Variants in SS18L1 observed in about 807,000 individuals in gnomAD.
The protein encoded by SS18L1 is SS18L1 subunit of BAF chromatin remodeling complex.
SS18L1 carries 32 observed loss-of-function variants against 70.3 expected under a neutral mutation model. That is an observed-to-expected ratio of 0.46 (90% CI 0.34 to 0.61). The LOEUF is 0.61. Among genes scored for constraint, SS18L1 ranks in the 20% least tolerant of loss-of-function variants. The pLI is 0.01. For missense variants in SS18L1, 430 were observed against 542.1 expected (o/e 0.79, Z 2.05); for synonymous variants, 237 against 229.7 (o/e 1.03, Z -0.29).
intron 7 of SS18L1, 24 bp from the exon 8 acceptor site, chr20:62,165,398 T>G: frequency 6.2e-7 from 1 of 1,602,350 alleles, no homozygotes; most frequent in Non-Finnish European, 8.5e-7. Context: ...CTCCGCTGAC[T>G]GTCGCCGTCT....
intron 10 of SS18L1, among the ~76,000 whole-genome samples, chr20:62,175,881 T>C (rs1472154948): frequency 6.6e-6 from 1 of 152,178 alleles, no homozygotes; most frequent in Non-Finnish European, 1.5e-5. Flanking sequence ...ATGAGGCATT[T>C]ACACAGATGT....
At chr20:62,170,739 C>G (rs554201494) in intron 8 of SS18L1, among the ~76,000 whole-genome samples, 2 of 152,342 alleles carry the variant, frequency 1.3e-5, no homozygotes, top group South Asian at 4.1e-4. Flanking sequence ...CTGCCAGTTC[C>G]CACTAGATCG....
At chr20:62,147,416 G>C (rs1180202730) in intron 1 of SS18L1, among the ~76,000 whole-genome samples, 1 of 152,214 alleles carries the variant, frequency 6.6e-6, no homozygotes, top group South Asian at 2.1e-4. Flanking sequence ...CTGTTGTCCA[G>C]TGCGTGCTCC....
intron 10 of SS18L1, among the ~76,000 whole-genome samples, chr20:62,175,886 A>T (rs2057612167): frequency 2.0e-5 from 3 of 152,248 alleles, no homozygotes; most frequent in Middle Eastern, 3.4e-3. Flanking sequence ...GCATTTACAC[A>T]GATGTCAGGA....
chr20:62,179,544 G>T lies in SS18L1; in HGVS notation c.*336G>T, dbSNP rs1200079934. 2.4e-6 allele frequency: 1 copy of T among 414,006 alleles called. No homozygotes were observed. Among genetic ancestry groups the T allele is most frequent in the African/African-American group, 2.0e-5 (1 of 50,578 alleles). 25.6% of individuals were successfully genotyped at this position (414,006 alleles called of 1,614,324 possible). On this transcript the variant is annotated 3_prime_UTR_variant, in exon 11 of 11. Transcript: ENST00000331758. ...TCAGAGCATTCTGTGCCCAGGGACA[G>T]GACAGATCTCGAGGACACCACAGTC...
intron 10 of SS18L1, among the ~76,000 whole-genome samples, chr20:62,177,975 C>T (rs1464643316): frequency 2.1e-5 from 3 of 146,148 alleles, no homozygotes; most frequent in African/African-American, 7.6e-5. Flanking sequence ...TTCCAAAGTG[C>T]TGGGACTGTA....
chr20:62,177,351 C>T (rs1293838228), intron 10 of SS18L1, among the ~76,000 whole-genome samples: 1 of 151,926 alleles, frequency 6.6e-6, no homozygotes, highest in African/African-American at 2.4e-5. Context: ...GCCATGCCTT[C>T]AGCTGAGCAG....
chr20:62,156,688 T>A (rs2057229533), intron 1 of SS18L1, among the ~76,000 whole-genome samples: 1 of 152,276 alleles, frequency 6.6e-6, no homozygotes, highest in Non-Finnish European at 1.5e-5. Context: ...TGCCTGTGGA[T>A]GAGTTTGGGC....
intron 1 of SS18L1, among the ~76,000 whole-genome samples, chr20:62,152,410 G>C (rs2057150285): frequency 6.6e-6 from 1 of 152,158 alleles, no homozygotes; most frequent in Admixed American, 6.5e-5. Context: ...CCTCATCTCT[G>C]TCCCCAGCGC....
At chr20:62,178,150 T>C (rs796984578) in intron 10 of SS18L1, among the ~76,000 whole-genome samples, 10,504 of 144,052 alleles carry the variant, frequency 0.073, 606 homozygotes, top group South Asian at 0.21. Context: ...TCTTTTTTTT[T>C]TTTTTTTTTT....
At chr20:62,164,093 C>G in intron 6 of SS18L1, 52 bp from the exon 7 acceptor site, 1 of 1,512,762 alleles carries the variant, frequency 6.6e-7, no homozygotes. Flanking sequence ...AGCAGGTCCT[C>G]TGAGGGAGGA....
chr20:62,173,633 A>G (rs2057569932), intron 9 of SS18L1, among the ~76,000 whole-genome samples: 1 of 149,464 alleles, frequency 6.7e-6, no homozygotes, highest in Admixed American at 6.6e-5. Flanking sequence ...TGCTTGAACC[A>G]GGAGGTAGAG....
chr20:62,179,401 G>A lies in SS18L1; in HGVS notation c.*193G>A, dbSNP rs1300151941. On this transcript the variant is annotated 3_prime_UTR_variant, in exon 11 of 11. Coordinates refer to ENST00000331758, the MANE Select transcript of SS18L1 (RefSeq NM_198935.3). ...CCACTGGCGTGAGACAGCGCTTGGT[G>A]GTGTGATACTTTTGGTGCTGTGTAT... The A allele has an allele frequency of 1.4e-5, 9 of 633,222 alleles. No homozygotes were observed. In the Admixed American group the frequency reaches 1.9e-4, roughly 13 times the overall value. 39.2% of individuals were successfully genotyped at this position (633,222 alleles called of 1,614,324 possible).
intron 5 of SS18L1, 74 bp from the exon 6 acceptor site, chr20:62,163,384 A>C: frequency 6.5e-7 from 1 of 1,543,734 alleles, no homozygotes; most frequent in East Asian, 2.5e-5. Context: ...GCCCGGGCGC[A>C]GGAGGTAGTT....
chr20:62,162,983 C>T (rs755592446), intron 5 of SS18L1, 52 bp downstream of exon 5: 10 of 1,588,714 alleles, frequency 6.3e-6, no homozygotes, highest in African/African-American at 4.1e-5. Flanking sequence ...CCTCCAAGAC[C>T]CTTGACACAT....
At position 62,158,077 on chromosome 20, in the gene SS18L1, T is replaced by C. The variant is rs2057255466; in HGVS notation, c.70-595T>C. ...ACCCTGTGTGGTTGCAATTCGAGGC[T>C]ATCCCCTCCAGCTAGGGGCACCAGG... On this transcript the variant is annotated intron_variant, in intron 1 of 10. Transcript: ENST00000331758. The surrounding 1 kb of genome is among the most constrained non-coding windows in gnomAD (Gnocchi z 4.5). Among the ~76,000 whole-genome samples, 2 of 152,154 alleles carry C rather than the reference T, an allele frequency of 1.3e-5. No homozygotes were observed. The highest frequency in any genetic ancestry group is 2.9e-5 in the Non-Finnish European group (2 of 68,012).
Position 62,148,693 on chromosome 20 carries a change from G to A in SS18L1, c.69+4804G>A, listed in dbSNP as rs2057076315. ...GAACCCAAGCGCCACGGGGGAGGTG[G>A]GCAGGAGAAAGGCATTGTCCTGGAG... On this transcript the variant is annotated intron_variant, in intron 1 of 10. Transcript: ENST00000331758. Among the ~76,000 whole-genome samples, 3 of 152,252 alleles carry A rather than the reference G, an allele frequency of 2.0e-5. No individual in the cohort carries two copies. The South Asian group carries it at 6.2e-4, about 31-fold the overall frequency.
intron 8 of SS18L1, among the ~76,000 whole-genome samples, chr20:62,170,615 C>T (rs917674849): frequency 8.5e-5 from 13 of 152,274 alleles, no homozygotes; most frequent in African/African-American, 3.1e-4. Context: ...CCCCCGAGCC[C>T]TGCAGATTTC....
rs754141025 is a variant in SS18L1 at position 62,162,846 on chromosome 20, C to T, written c.471C>T (p.Pro157=). 93 of 1,612,882 alleles carry T rather than the reference C, an allele frequency of 5.8e-5. No homozygotes were observed. The highest frequency in any genetic ancestry group is 3.5e-4 in the Admixed American group (21 of 60,006). The change falls in exon 5 of 11, where the codon CCC becomes CCT. Residue 157 remains proline (P), a synonymous_variant. Coordinates refer to ENST00000331758, the MANE Select transcript of SS18L1 (RefSeq NM_198935.3). ...ISGPGYSHAG[P]ASQGVPMQGQ... is the part of the protein sequence containing the mutation. ...GGCCCGGCTACAGCCACGCGGGACC[C>T]GCCTCGCAGGGCGTCCCCATGCAGG...
Sources: gnomAD v4.1 joint callset for allele counts (sites outside exome capture counted in the v4.1 genomes callset) on GRCh38, gnomAD v4.1.1 for gene constraint, Gnocchi (gnomAD v3.1) non-coding constraint, MANE v1.5 for transcripts, NCBI Gene and HGNC (gene_info 2026-07-23, HGNC 2026-07-21) for gene names.